SCUBE3: variants seen among roughly 807,000 people sequenced by gnomAD.
The protein encoded by SCUBE3 is signal peptide, CUB domain and EGF like domain containing 3.
A neutral mutation model predicts 116.8 loss-of-function variants in SCUBE3; 33 were observed. The ratio of observed to expected loss-of-function variants is 0.28; its 90% confidence interval spans 0.21 to 0.38. SCUBE3 has a LOEUF of 0.38. Among genes scored for constraint, SCUBE3 ranks in the 10% least tolerant of loss-of-function variants. The pLI, the probability that SCUBE3 is intolerant of heterozygous loss-of-function variation, is 1.00. For synonymous variants in SCUBE3, 418 were observed against 496.9 expected, an observed-to-expected ratio of 0.84 and a Z score of 2.11; for missense variants, 1,007 against 1,324.8, an observed-to-expected ratio of 0.76 and a Z score of 3.72.
chr6:35,214,585 G>A lies in SCUBE3; in HGVS notation c.85+82G>A, dbSNP rs1782812605. On this transcript the variant is annotated intron_variant, in intron 1 of 21. Coordinates refer to ENST00000274938, the MANE Select transcript of SCUBE3 (RefSeq NM_152753.4). This position sits in a 1 kb window ranked among gnomAD's most constrained non-coding sequence, Gnocchi z 6.3. ...CTAGGAGCGATTCCCGAGGGGCAGG[G>A]CAGGTGCTGGGGAGCGTGCTGCTGT... 1 of 892,494 alleles carries A rather than the reference G, an allele frequency of 1.1e-6. No homozygotes were observed. Among genetic ancestry groups the A allele is most frequent in the Non-Finnish European group, 1.6e-6 (1 of 641,956 alleles). 55.3% of individuals were successfully genotyped at this position (892,494 alleles called of 1,614,324 possible). A position where few individuals can be genotyped will look rare whatever the true frequency, so the allele number is the denominator to read the frequency against.
In SCUBE3 at chr6:35,236,809, T is replaced by C. The variant is rs1324929723; in HGVS notation, c.713-1093T>C. Reference sequence around the variant, plus strand: ...TCCCTAGTGGAGGTCTTGGGATTCTTTCTCTCTAATGGGAGAATTCTAGTC... The same window carrying C: ...TCCCTAGTGGAGGTCTTGGGATTCTCTCTCTCTAATGGGAGAATTCTAGTC... On this transcript the variant is annotated intron_variant, in intron 6 of 21. Coordinates refer to ENST00000274938, the MANE Select transcript of SCUBE3 (RefSeq NM_152753.4). 3.3e-5 allele frequency among the ~76,000 whole-genome samples: 5 copies of C among 152,338 alleles called. No homozygotes were observed. The East Asian group carries it at 7.7e-4, about 23-fold the overall frequency.
Position 35,227,624 on chromosome 6 carries a change from G to C in SCUBE3, c.130G>C (p.Ala44Pro), listed in dbSNP as rs778186353. 6.2e-7 allele frequency: 1 copy of C among 1,614,092 alleles called. No homozygotes were observed. Among genetic ancestry groups the C allele is most frequent in the Non-Finnish European group, 8.5e-7 (1 of 1,179,976 alleles). ...VEGTDNCHID[A>P]ICQNTPRSYK... ...GGGGACTGACAACTGCCACATCGAT[G>C]CTATCTGCCAGAACACCCCGAGGTC... Residue 44 changes from alanine to proline, a missense_variant, in exon 2 of 22, where the codon GCT becomes CCT. Physicochemically the swap from Ala to Pro is conservative, Grantham distance 27. Transcript: ENST00000274938.
At chr6:35,217,391 G>A (rs1208088411) in intron 1 of SCUBE3, among the ~76,000 whole-genome samples, 5 of 151,696 alleles carry the variant, frequency 3.3e-5, no homozygotes, top group African/African-American at 9.7e-5. Flanking sequence ...CAGCCTGGCC[G>A]TTTAGTTTAC....
At position 35,241,065 on chromosome 6, in the gene SCUBE3, C is replaced by T. The variant is rs773111920; in HGVS notation, c.1070-76C>T. ...GGTACCTGAAACTCTAACCAAAGGC[C>T]CTCACTCACTGCCTACTCTCCGGCT... On this transcript the variant is annotated intron_variant, in intron 9 of 21. Transcript: ENST00000274938. This position sits in a 1 kb window ranked among gnomAD's most constrained non-coding sequence, Gnocchi z 4.1. 3.1e-5 allele frequency: 45 copies of T among 1,430,192 alleles called. No homozygotes were observed. Among genetic ancestry groups the T allele is most frequent in the Non-Finnish European group, 3.7e-5 (39 of 1,043,976 alleles). 88.6% of individuals were successfully genotyped at this position (1,430,192 alleles called of 1,614,324 possible). A position where few individuals can be genotyped will look rare whatever the true frequency, so the allele number is the denominator to read the frequency against.
At chr6:35,230,207 G>A (rs1194674707) in intron 3 of SCUBE3, among the ~76,000 whole-genome samples, 1 of 152,188 alleles carries the variant, frequency 6.6e-6, no homozygotes, top group Non-Finnish European at 1.5e-5. Flanking sequence ...CTTTGGGAAG[G>A]GAAGCTGTGG....
chr6:35,216,600 C>T (rs1379102689), intron 1 of SCUBE3, among the ~76,000 whole-genome samples: 2 of 152,200 alleles, frequency 1.3e-5, no homozygotes, highest in Non-Finnish European at 2.9e-5. Context: ...CTAGTACTGA[C>T]CAGGCGGGGC....
chr6:35,240,339 G>A lies in SCUBE3; in HGVS notation c.953-35G>A. The A allele has an allele frequency of 7.3e-7, 1 of 1,363,938 alleles. No homozygotes were observed. The allele number at this position is 1,363,938 out of a possible 1,614,324, so 84.5% of individuals were successfully genotyped here. ...CCTGAGCAAGGGTCAAGTGCTCCAAGACAGATTCAGTGGCTTGAATCTTTG... is the reference window on the plus strand; with the variant it reads ...CCTGAGCAAGGGTCAAGTGCTCCAAAACAGATTCAGTGGCTTGAATCTTTG... On this transcript the variant is annotated intron_variant, in intron 8 of 21. Transcript: ENST00000274938. The surrounding 1 kb of genome is among the most constrained non-coding windows in gnomAD (Gnocchi z 4.6).
chr6:35,227,372 T>C (rs2150292826), intron 1 of SCUBE3, among the ~76,000 whole-genome samples: 1 of 152,324 alleles, frequency 6.6e-6, no homozygotes, highest in Non-Finnish European at 1.5e-5. Flanking sequence ...TTTAGTATTT[T>C]TGAGGGCAGT....
Position 35,251,150 on chromosome 6 carries a change from CTTTTTTTTTTTTT to C in SCUBE3, c.*2454_*2466del, listed in dbSNP as rs66748362. The C allele has an allele frequency of 1.2e-5, 1 of 84,428 alleles. No individual in the cohort carries two copies. Among genetic ancestry groups the C allele is most frequent in the Non-Finnish European group, 2.5e-5 (1 of 40,692 alleles). 5.2% of individuals were successfully genotyped at this position (84,428 alleles called of 1,614,324 possible). ...CTAGGATAACTTTCTTTCTTTCTTTCTTTTTTTTTTTTTTTTTTTTTGAGATGGAGTCTCGCTC... is the reference window on the plus strand; with the variant it reads ...CTAGGATAACTTTCTTTCTTTCTTTCTTTTTTTTGAGATGGAGTCTCGCTC... On this transcript the variant is annotated 3_prime_UTR_variant, in exon 22 of 22. Coordinates refer to ENST00000274938, the MANE Select transcript of SCUBE3 (RefSeq NM_152753.4).
rs577885385 is a variant in SCUBE3, at chr6:35,229,531, G to T, written c.334+792G>T. ...CATGGTAGGAGCTCAGTAATGGGAA[G>T]AATGTTTTTGATGATGACGACAGTG... On this transcript the variant is annotated intron_variant, in intron 3 of 21. Transcript: ENST00000274938. Among the ~76,000 whole-genome samples, 24 of 152,308 alleles carry T rather than the reference G, an allele frequency of 1.6e-4. 1 individual carries two copies. Among genetic ancestry groups the T allele is most frequent in the Admixed American group, 2.6e-4 (4 of 15,300 alleles).
chr6:35,245,139 TC>T lies in SCUBE3; in HGVS notation c.2402-88del, dbSNP rs1784278718. Reference sequence around the variant, plus strand: ...GCAGACTTCCCATAAATGTCTGACCTCTACTTCAGAACTCTTCAATTCCCCC... The same window carrying T: ...GCAGACTTCCCATAAATGTCTGACCTTACTTCAGAACTCTTCAATTCCCCC... On this transcript the variant is annotated intron_variant, in intron 18 of 21. Coordinates refer to ENST00000274938, the MANE Select transcript of SCUBE3 (RefSeq NM_152753.4). The surrounding 1 kb of genome is among the most constrained non-coding windows in gnomAD (Gnocchi z 4.2). The T allele has an allele frequency of 8.3e-7, 1 of 1,198,178 alleles. No individual in the cohort carries two copies. Among genetic ancestry groups the T allele is most frequent in the South Asian group, 1.3e-5 (1 of 77,072 alleles). 74.2% of individuals were successfully genotyped at this position (1,198,178 alleles called of 1,614,324 possible). A position where few individuals can be genotyped will look rare whatever the true frequency, so the allele number is the denominator to read the frequency against.
rs1283802037 is a variant in SCUBE3, at chr6:35,250,942, C to T, written c.*2237C>T. On this transcript the variant is annotated 3_prime_UTR_variant, in exon 22 of 22. Coordinates refer to ENST00000274938, the MANE Select transcript of SCUBE3 (RefSeq NM_152753.4). ...ACAACCATTAGCCAACATCATGGTC[C>T]TTGTGGGTAGAGTGTCTGGCTACCT... is the stretch of plus-strand genomic sequence containing the variant. 1 of 152,124 alleles carries T rather than the reference C, an allele frequency of 6.6e-6. No homozygotes were observed. Among genetic ancestry groups the T allele is most frequent in the African/African-American group, 2.4e-5 (1 of 41,400 alleles). The allele number at this position is 152,124 out of a possible 1,614,324, so 9.4% of individuals were successfully genotyped here.
rs1324877494 is a variant in SCUBE3 at position 35,244,614 on chromosome 6, A to G, written c.2240-36A>G. On this transcript the variant is annotated intron_variant, in intron 17 of 21. Coordinates refer to ENST00000274938, the MANE Select transcript of SCUBE3 (RefSeq NM_152753.4). This position sits in a 1 kb window ranked among gnomAD's most constrained non-coding sequence, Gnocchi z 4.3. Reference sequence around the variant, plus strand: ...CATGCCCCGTAACTCCCACCTGCCTACCATCTTGATTCCTGCCCTTCTCCC... The same window carrying G: ...CATGCCCCGTAACTCCCACCTGCCTGCCATCTTGATTCCTGCCCTTCTCCC... The G allele has an allele frequency of 1.3e-6, 2 of 1,592,520 alleles. No homozygotes were observed. Among genetic ancestry groups the G allele is most frequent in the Non-Finnish European group, 1.7e-6 (2 of 1,161,664 alleles).
At chr6:35,247,247 C>T (rs1392361208) in intron 21 of SCUBE3, among the ~76,000 whole-genome samples, 1 of 151,776 alleles carries the variant, frequency 6.6e-6, no homozygotes, top group East Asian at 1.9e-4. Flanking sequence ...CCAGCCTGGC[C>T]AACATAGTGA....
At chr6:35,237,088 G>A (rs1273856132) in intron 6 of SCUBE3, among the ~76,000 whole-genome samples, 3 of 152,190 alleles carry the variant, frequency 2.0e-5, no homozygotes, top group African/African-American at 7.2e-5. Flanking sequence ...TAAGGATTTA[G>A]GTCTTATCTA....
chr6:35,238,151 G>C (rs1018907011), intron 7 of SCUBE3, 133 bp downstream of exon 7: 18 of 556,448 alleles, frequency 3.2e-5, no homozygotes, highest in African/African-American at 2.6e-4. Context: ...ACATAGCTAA[G>C]GGTTGTCTCC....
At chr6:35,248,516 C>T (rs367756690) in intron 21 of SCUBE3, 40 bp from the exon 22 acceptor site, 142 of 1,607,340 alleles carry the variant, frequency 8.8e-5, no homozygotes, top group Admixed American at 5.5e-4. Context: ...TTCCCACCCC[C>T]GACGGTGAGG....
rs147141309 is a variant in SCUBE3, at chr6:35,242,346, T to C, written c.1534+26T>C. ...GTTTGGACTGGGGACCCCATTCCAGTTGGCTGTCTGGCCACTAAATCCTCC... is the reference window on the plus strand; with the variant it reads ...GTTTGGACTGGGGACCCCATTCCAGCTGGCTGTCTGGCCACTAAATCCTCC... On this transcript the variant is annotated intron_variant, in intron 13 of 21. Transcript: ENST00000274938. 3.8e-4 allele frequency: 562 copies of C among 1,495,810 alleles called. No individual in the cohort carries two copies. The African/African-American group carries it at 6.3e-3, about 17-fold the overall frequency. 92.7% of individuals were successfully genotyped at this position (1,495,810 alleles called of 1,614,324 possible).
chr6:35,231,044 C>G lies in SCUBE3; in HGVS notation c.335-681C>G, dbSNP rs1043561004. On this transcript the variant is annotated intron_variant, in intron 3 of 21. Coordinates refer to ENST00000274938, the MANE Select transcript of SCUBE3 (RefSeq NM_152753.4). The surrounding 1 kb of genome is among the most constrained non-coding windows in gnomAD (Gnocchi z 4.2). The stretch of plus-strand genomic sequence containing the variant: ...CCCACCCCCACCATCTAGGGTGTGG[C>G]CTGGCAGCTCTCCCCAGATCCCTCC... Among the ~76,000 whole-genome samples the G allele has an allele frequency of 6.6e-6, 1 of 151,904 alleles. No homozygotes were observed. The highest frequency in any genetic ancestry group is 2.4e-5 in the African/African-American group (1 of 41,368).
Sources: allele counts gnomAD v4.1 joint callset (sites outside exome capture counted in the v4.1 genomes callset), GRCh38; gene constraint gnomAD v4.1.1; non-coding constraint Gnocchi (gnomAD v3.1); transcripts MANE v1.5; gene names NCBI Gene and HGNC (gene_info 2026-07-23, HGNC 2026-07-21).